UGT1A1: variants seen among roughly 807,000 people sequenced by gnomAD.
UGT1A1 encodes the protein UDP-glucuronosyltransferase 1A1.
UGT1A1 carries 33 observed loss-of-function variants against 40.6 expected under a neutral mutation model. That is an observed-to-expected ratio of 0.81 (90% CI 0.62 to 1.09). The LOEUF (loss-of-function observed/expected upper bound fraction) is 1.09. Ranked by LOEUF, UGT1A1 falls within the 50% of genes least tolerant of loss-of-function variation. The probability of loss-of-function intolerance (pLI) is 0.00; values close to 1 mark genes in which losing one functional copy is unlikely to be tolerated. For missense variants in UGT1A1, 694 were observed against 671.2 expected, an observed-to-expected ratio of 1.03 and a Z score of -0.38; for synonymous variants, 249 against 265.0, an observed-to-expected ratio of 0.94 and a Z score of 0.59.
At chr2:233,765,991 C>G (rs939830697) in intron 1 of UGT1A1, among the ~76,000 whole-genome samples, 2 of 152,166 alleles carry the variant, frequency 1.3e-5, no homozygotes, top group Middle Eastern at 3.4e-3. Flanking sequence ...TCCTGAAGCT[C>G]CAGTGGGCGT....
Position 233,767,161 on chromosome 2 carries a change from A to G in UGT1A1, c.992A>G (p.Gln331Arg), listed in dbSNP as rs72551348. The change falls in exon 2 of 5, where the codon CAG becomes CGG. Residue 331 changes from glutamine (Q) to arginine (R), a missense_variant. Physicochemically the swap from Gln to Arg is conservative, Grantham distance 43. Coordinates refer to ENST00000305208, the MANE Select transcript of UGT1A1 (RefSeq NM_000463.3). Reference sequence around the variant, plus strand: ...GCTGATGCTTTGGGCAAAATCCCTCAGACAGTAAGAAGATTCTATACCATG... The same window carrying G: ...GCTGATGCTTTGGGCAAAATCCCTCGGACAGTAAGAAGATTCTATACCATG... ...AIADALGKIP[Q>R]TVLWRYTGTR... is the part of the protein sequence containing the mutation. 60 of 1,614,012 alleles carry G rather than the reference A, an allele frequency of 3.7e-5. No individual in the cohort carries two copies. The highest frequency in any genetic ancestry group is 4.7e-5 in the Non-Finnish European group (55 of 1,180,018).
rs1464490488 is a variant in UGT1A1 at position 233,772,373 on chromosome 2, A to C, written c.1416A>C (p.Pro472=). 1.2e-6 allele frequency: 2 copies of C among 1,614,108 alleles called. No individual in the cohort carries two copies. The highest frequency in any genetic ancestry group is 2.2e-5 in the East Asian group (1 of 44,894). Reference sequence around the variant, plus strand: ...TTGTGATGAGGCACAAGGGCGCGCCACACCTGCGCCCCGCAGCCCACGACC... The same window carrying C: ...TTGTGATGAGGCACAAGGGCGCGCCCCACCTGCGCCCCGCAGCCCACGACC... ...VEFVMRHKGA[P]HLRPAAHDLT... The change falls in exon 5 of 5, where the codon CCA becomes CCC. Residue 472 remains proline, a synonymous_variant. Transcript: ENST00000305208.
Position 233,760,863 on chromosome 2 carries a change from C to T in UGT1A1, c.576C>T (p.Tyr192=), listed in dbSNP as rs764242339. Residue 192 remains tyrosine, a synonymous_variant, in exon 1 of 5, where the codon TAC becomes TAT. Coordinates refer to ENST00000305208, the MANE Select transcript of UGT1A1 (RefSeq NM_000463.3). ...CCCAGTGCCCCAACCCATTCTCCTA[C>T]GTGCCCAGGCCTCTCTCCTCTCATT... ...EATQCPNPFS[Y]VPRPLSSHSD... The T allele has an allele frequency of 8.1e-6, 13 of 1,614,016 alleles. No homozygotes were observed. Among genetic ancestry groups the T allele is most frequent in the South Asian group, 4.4e-5 (4 of 91,088 alleles).
Position 233,772,319 on chromosome 2 carries a change from GCT to G in UGT1A1, c.1363_1364del (p.Leu455GlyfsTer53). ...TTCACAAGGACCGCCCGGTGGAGCC[GCT>G]GGACCTGGCCGTGTTCTGGGTGGAG... ...SLHKDRPVEP[L>X]DLAVFWVEFV... On this transcript the variant is annotated frameshift_variant, in exon 5 of 5. Coordinates refer to ENST00000305208, the MANE Select transcript of UGT1A1 (RefSeq NM_000463.3). LOFTEE classifies it high-confidence loss of function. 1 of 1,614,164 alleles carries G rather than the reference GCT, an allele frequency of 6.2e-7. No homozygotes were observed. Among genetic ancestry groups the G allele is most frequent in the Non-Finnish European group, 8.5e-7 (1 of 1,180,030 alleles).
At chr2:233,764,417 G>A (rs986717948) in intron 1 of UGT1A1, among the ~76,000 whole-genome samples, 1 of 152,168 alleles carries the variant, frequency 6.6e-6, no homozygotes, top group African/African-American at 2.4e-5. Context: ...TTTGCCCTGC[G>A]TGAATCTCCA....
intron 1 of UGT1A1, among the ~76,000 whole-genome samples, chr2:233,763,107 T>C (rs2126002075): frequency 6.6e-6 from 1 of 152,392 alleles, no homozygotes; most frequent in East Asian, 1.9e-4. Context: ...CACCGAACTT[T>C]ATCAGCTGCC....
chr2:233,767,712 C>G (rs1699458163), intron 2 of UGT1A1, 137 bp from the exon 3 acceptor site: 1 of 1,533,444 alleles, frequency 6.5e-7, no homozygotes, highest in African/African-American at 1.4e-5. Flanking sequence ...CCTCAGAAGC[C>G]TTCACAGTTA....
At chr2:233,767,553 A>C (rs1463279318) in intron 2 of UGT1A1, among the ~76,000 whole-genome samples, 1 of 152,268 alleles carries the variant, frequency 6.6e-6, no homozygotes, top group Non-Finnish European at 1.5e-5. Flanking sequence ...ATAGTTCTGC[A>C]TCCACTTGTT....
chr2:233,767,452 A>G (rs1559414101), intron 2 of UGT1A1, among the ~76,000 whole-genome samples: 1 of 152,230 alleles, frequency 6.6e-6, no homozygotes, highest in Non-Finnish European at 1.5e-5. Context: ...AATAAAATAA[A>G]TGGGATATTG....
chr2:233,760,727 T>G lies in UGT1A1; in HGVS notation c.440T>G (p.Val147Gly). Residue 147 changes from valine to glycine, a missense_variant, in exon 1 of 5, where the codon GTC becomes GGC. Transcript: ENST00000305208. The stretch of plus-strand genomic sequence containing the variant: ...TCCCTGGCAGAAAGCAGCTTTGATG[T>G]CATGCTGACGGACCCTTTCCTTCCT... ...MASLAESSFD[V>G]MLTDPFLPCS... 1 of 1,614,214 alleles carries G rather than the reference T, an allele frequency of 6.2e-7. No homozygotes were observed. Among genetic ancestry groups the G allele is most frequent in the Non-Finnish European group, 8.5e-7 (1 of 1,180,036 alleles).
chr2:233,767,766 CT>C, intron 2 of UGT1A1, 82 bp from the exon 3 acceptor site: 1 of 1,609,200 alleles, frequency 6.2e-7, no homozygotes, highest in South Asian at 1.1e-5. Flanking sequence ...CAGAGGACCC[CT>C]GTTTTCTAGT....
At chr2:233,768,145 T>C in intron 3 of UGT1A1, 75 bp from the exon 4 acceptor site, 1 of 1,611,332 alleles carries the variant, frequency 6.2e-7, no homozygotes, top group Non-Finnish European at 8.5e-7. Flanking sequence ...TTTGGAGTGT[T>C]TTCAGAACCT....
At position 233,772,877 on chromosome 2, in the gene UGT1A1, G is replaced by C; in HGVS notation, c.*318G>C. The C allele has an allele frequency of 1.7e-6, 1 of 579,394 alleles. No homozygotes were observed. Among genetic ancestry groups the C allele is most frequent in the South Asian group, 2.3e-5 (1 of 42,896 alleles). The allele number at this position is 579,394 out of a possible 1,614,324, so 35.9% of individuals were successfully genotyped here. ...TGAAACATGGCCTGTTTGGGAGTGC[G>C]GGATTCAAAGGTGGTCCCACGGCTG... On this transcript the variant is annotated 3_prime_UTR_variant, in exon 5 of 5. Coordinates refer to ENST00000305208, the MANE Select transcript of UGT1A1 (RefSeq NM_000463.3).
In UGT1A1 at chr2:233,767,044, C is replaced by A. The variant is rs758873309; in HGVS notation, c.875C>A (p.Ala292Asp). Residue 292 changes from alanine (A) to aspartate (D), a missense_variant, in exon 2 of 5, where the codon GCC becomes GAC. Ala to Asp is a moderately radical substitution (Grantham distance 126, BLOSUM62 -2). Coordinates refer to ENST00000305208, the MANE Select transcript of UGT1A1 (RefSeq NM_000463.3). ...HQNPLSQEFE[A>D]YINASGEHGI... ...TTCTTCTGGCTCTAGGAATTTGAAG[C>A]CTACATTAATGCTTCTGGAGAACAT... 1.2e-6 allele frequency: 2 copies of A among 1,613,992 alleles called. No homozygotes were observed. Among genetic ancestry groups the A allele is most frequent in the Non-Finnish European group, 1.7e-6 (2 of 1,179,984 alleles).
At chr2:233,762,731 G>A (rs574048851) in intron 1 of UGT1A1, among the ~76,000 whole-genome samples, 140 of 149,512 alleles carry the variant, frequency 9.4e-4, no homozygotes, top group African/African-American at 3.3e-3. Context: ...TTTTTTTTTG[G>A]TCACTACTGT....
At chr2:233,766,838 C>A (rs906628829) in intron 1 of UGT1A1, among the ~76,000 whole-genome samples, 196 bp from the exon 2 acceptor site, 7 of 152,156 alleles carry the variant, frequency 4.6e-5, no homozygotes, top group African/African-American at 1.7e-4. Context: ...TAAGCAGGAA[C>A]CCTTCCTCCT....
Position 233,772,664 on chromosome 2 carries a change from C to G in UGT1A1, c.*105C>G, listed in dbSNP as rs1700540961. 1.9e-6 allele frequency: 3 copies of G among 1,539,532 alleles called. No individual in the cohort carries two copies. Among genetic ancestry groups the G allele is most frequent in the Non-Finnish European group, 2.6e-6 (3 of 1,144,204 alleles). ...TCATTTTATTCTTATTAAGGAAATA[C>G]TTTGCATAAATTAATCAGCCCCAGA... On this transcript the variant is annotated 3_prime_UTR_variant, in exon 5 of 5. Coordinates refer to ENST00000305208, the MANE Select transcript of UGT1A1 (RefSeq NM_000463.3).
In UGT1A1 at chr2:233,768,134, C is replaced by T. The variant is rs558476019; in HGVS notation, c.1085-86C>T. The T allele has an allele frequency of 1.1e-4, 173 of 1,608,048 alleles. No homozygotes were observed. The African/African-American group carries it at 2.2e-3, about 21-fold the overall frequency. Reference sequence around the variant, plus strand: ...CAAGGGCATGTGAGTAACACTGAGTCTTTGGAGTGTTTTCAGAACCTAGAT... The same window carrying T: ...CAAGGGCATGTGAGTAACACTGAGTTTTTGGAGTGTTTTCAGAACCTAGAT... On this transcript the variant is annotated intron_variant, in intron 3 of 4. Transcript: ENST00000305208.
chr2:233,767,896 C>T lies in UGT1A1; in HGVS notation c.1044C>T (p.Asn348=), dbSNP rs1260686155. ...CCCGACCATCGAATCTTGCGAACAACACGATACTTGTTAAGTGGCTACCCC... is the reference window on the plus strand; with the variant it reads ...CCCGACCATCGAATCTTGCGAACAATACGATACTTGTTAAGTGGCTACCCC... ...TGTRPSNLAN[N]TILVKWLPQN... The change falls in exon 3 of 5, where the codon AAC becomes AAT. Residue 348 remains asparagine (N), a synonymous_variant. Transcript: ENST00000305208. 2.5e-6 allele frequency: 4 copies of T among 1,614,050 alleles called. No homozygotes were observed. Among genetic ancestry groups the T allele is most frequent in the African/African-American group, 1.3e-5 (1 of 74,912 alleles).
Sources: gnomAD v4.1 joint callset for allele counts (sites outside exome capture counted in the v4.1 genomes callset) on GRCh38, gnomAD v4.1.1 for gene constraint, MANE v1.5 for transcripts, NCBI Gene and HGNC (gene_info 2026-07-23, HGNC 2026-07-21) for gene names.